NUDT3: variants seen among roughly 807,000 people sequenced by gnomAD.
The protein encoded by NUDT3 is nudix hydrolase 3, also known as diphosphoinositol polyphosphate phosphohydrolase 1.
A neutral mutation model predicts 23.6 loss-of-function variants in NUDT3; 9 were observed. The ratio of observed to expected loss-of-function variants is 0.38; its 90% CI spans 0.23 to 0.66. NUDT3 has a LOEUF of 0.66. Ranked by LOEUF, NUDT3 falls within the 30% of genes least tolerant of loss-of-function variation. NUDT3 has a pLI of 0.52. For missense variants in NUDT3, 172 were observed against 218.5 expected (o/e 0.79, Z 1.34); for synonymous variants, 86 against 82.6 (o/e 1.04, Z -0.22).
intron 4 of NUDT3, among the ~76,000 whole-genome samples, chr6:34,290,167 T>C (rs986036015): frequency 3.3e-5 from 5 of 152,208 alleles, no homozygotes; most frequent in Admixed American, 2.0e-4. Context: ...GCTAAAAGAA[T>C]GTGCTGCTGA....
intron 2 of NUDT3, among the ~76,000 whole-genome samples, chr6:34,311,146 C>T (rs562079048): frequency 6.6e-6 from 1 of 152,076 alleles, no homozygotes; most frequent in Non-Finnish European, 1.5e-5. Context: ...AAACTGTATT[C>T]GTTTGCAGAT....
chr6:34,298,043 T>A (rs551906973), intron 2 of NUDT3, among the ~76,000 whole-genome samples: 6 of 152,058 alleles, frequency 3.9e-5, no homozygotes, highest in Admixed American at 1.3e-4. Flanking sequence ...CAACTTAACA[T>A]TATGACAACT....
chr6:34,303,475 T>A (rs1177199883), intron 2 of NUDT3, among the ~76,000 whole-genome samples: 1 of 152,162 alleles, frequency 6.6e-6, no homozygotes, highest in Non-Finnish European at 1.5e-5. Context: ...TTGCAGTGGC[T>A]AGGATCACAG....
intron 1 of NUDT3, among the ~76,000 whole-genome samples, chr6:34,360,261 T>TAAAAAC (rs1330138466): frequency 8.4e-6 from 1 of 119,118 alleles, no homozygotes; most frequent in Non-Finnish European, 1.8e-5. Flanking sequence ...AAAAAAAAGC[T>TAAAAAC]AAAAACAAAA....
chr6:34,342,037 A>G (rs1402295319), intron 1 of NUDT3, 65 bp from the exon 2 acceptor site: 2 of 1,421,348 alleles, frequency 1.4e-6, no homozygotes, highest in Non-Finnish European at 1.9e-6. Context: ...ACAAATTCAG[A>G]GTTTAAACAC....
At chr6:34,381,598 TA>T (rs1349980104) in intron 1 of NUDT3, among the ~76,000 whole-genome samples, 3 of 152,028 alleles carry the variant, frequency 2.0e-5, no homozygotes, top group African/African-American at 7.2e-5. Flanking sequence ...CAATAAAATC[TA>T]AAAGTTTTGT....
rs1405471749 is a variant in NUDT3, at chr6:34,319,737, T to C, written c.210+22125A>G. 2.6e-5 allele frequency among the ~76,000 whole-genome samples: 4 copies of C among 152,238 alleles called. No individual in the cohort carries two copies. The East Asian group carries it at 7.7e-4, about 29-fold the overall frequency. ...GTTTGTTCAGATTCTTCTTGGCCTT[T>C]CTGTGCAGGATTTCTTCCTCTAACA... On this transcript the variant is annotated intron_variant, in intron 2 of 4. Coordinates refer to ENST00000607016, the MANE Select transcript of NUDT3 (RefSeq NM_006703.4).
chr6:34,324,368 A>AAGC (rs1763991558), intron 2 of NUDT3, among the ~76,000 whole-genome samples: 1 of 150,754 alleles, frequency 6.6e-6, no homozygotes, highest in African/African-American at 2.4e-5. Flanking sequence ...AAAAAAAAAA[A>AAGC]AGCCTTCAGA....
At chr6:34,392,024 C>T (rs955414204) in intron 1 of NUDT3, among the ~76,000 whole-genome samples, 38 of 152,176 alleles carry the variant, frequency 2.5e-4, no homozygotes, top group Non-Finnish European at 5.0e-4. Context: ...GCTCCGGCCA[C>T]AAGCCGGCTA....
At position 34,351,028 on chromosome 6, in the gene NUDT3, A is replaced by G. The variant is rs1007847594; in HGVS notation, c.100-9056T>C. On this transcript the variant is annotated intron_variant, in intron 1 of 4. Coordinates refer to ENST00000607016, the MANE Select transcript of NUDT3 (RefSeq NM_006703.4). ...GTAATCTCAACACTTTGGGATGCGC[A>G]CTGACAGAAATTTAAAAAAGGAAAA... 5.4e-4 allele frequency among the ~76,000 whole-genome samples: 81 copies of G among 149,424 alleles called. 3 individuals carry two copies. Among genetic ancestry groups the G allele is most frequent in the African/African-American group, 1.9e-3 (74 of 39,892 alleles).
intron 1 of NUDT3, among the ~76,000 whole-genome samples, chr6:34,349,559 C>A (rs1043327811): frequency 6.6e-6 from 1 of 150,458 alleles, no homozygotes; most frequent in Admixed American, 6.6e-5. Context: ...AAGAGGGAAA[C>A]CGACGGTGAT....
intron 1 of NUDT3, among the ~76,000 whole-genome samples, chr6:34,365,200 C>CG (rs1764708414): frequency 6.6e-6 from 1 of 152,006 alleles, no homozygotes; most frequent in African/African-American, 2.4e-5. Flanking sequence ...GAGGCCAAGG[C>CG]GGGTGGATCA....
chr6:34,315,066 T>A (rs1295141684), intron 2 of NUDT3, among the ~76,000 whole-genome samples: 1 of 152,192 alleles, frequency 6.6e-6, no homozygotes, highest in Non-Finnish European at 1.5e-5. Flanking sequence ...AAATGGAACA[T>A]TAAATTATTT....
At chr6:34,374,609 A>C (rs1764891463) in intron 1 of NUDT3, among the ~76,000 whole-genome samples, 1 of 152,098 alleles carries the variant, frequency 6.6e-6, no homozygotes, top group African/African-American at 2.4e-5. Flanking sequence ...ACTCAGATCT[A>C]GTCCTTTCGC....
chr6:34,384,328 C>T (rs796833493), intron 1 of NUDT3, among the ~76,000 whole-genome samples: 79 of 152,314 alleles, frequency 5.2e-4, no homozygotes, highest in African/African-American at 1.9e-3. Flanking sequence ...TTAGGAACAG[C>T]TTCATCCTTT....
chr6:34,293,638 A>G, intron 3 of NUDT3, 103 bp from the exon 4 acceptor site: 1 of 1,338,086 alleles, frequency 7.5e-7, no homozygotes, highest in East Asian at 2.4e-5. Flanking sequence ...GCTCAGACAC[A>G]AAGATTCTAA....
chr6:34,322,568 G>C (rs904178938), intron 2 of NUDT3, among the ~76,000 whole-genome samples: 3 of 152,140 alleles, frequency 2.0e-5, no homozygotes, highest in African/African-American at 7.2e-5. Flanking sequence ...TTGGGGACAG[G>C]CATATGGGAA....
chr6:34,337,439 G>A (rs1764226440), intron 2 of NUDT3, among the ~76,000 whole-genome samples: 1 of 152,202 alleles, frequency 6.6e-6, no homozygotes, highest in South Asian at 2.1e-4. Context: ...GAGGAGTGTA[G>A]TTTAATTATC....
At chr6:34,380,880 C>T (rs562912091) in intron 1 of NUDT3, among the ~76,000 whole-genome samples, 84 of 152,322 alleles carry the variant, frequency 5.5e-4, no homozygotes, top group African/African-American at 1.8e-3. Context: ...TCTTCAACTA[C>T]CCATATTCGA....
Sources: gnomAD v4.1 joint callset for allele counts (sites outside exome capture counted in the v4.1 genomes callset) on GRCh38, gnomAD v4.1.1 for gene constraint, MANE v1.5 for transcripts, NCBI Gene and HGNC (gene_info 2026-07-23, HGNC 2026-07-21) for gene names.